Variants in ABRAXAS2 observed in about 807,000 individuals in gnomAD.
ABRAXAS2 encodes the protein abraxas 2, BRISC complex subunit, also known as BRISC complex subunit Abraxas 2.
A neutral mutation model predicts 49.0 loss-of-function variants in ABRAXAS2; 23 were observed. That is an observed-to-expected ratio of 0.47 (90% CI 0.34 to 0.66). ABRAXAS2 has a LOEUF of 0.66. ABRAXAS2 is among the 30% of genes least tolerant of loss of function. ABRAXAS2 has a pLI of 0.01. For missense variants in ABRAXAS2, 443 were observed against 511.9 expected, an observed-to-expected ratio of 0.87 and a Z score of 1.30; for synonymous variants, 168 against 180.2, an observed-to-expected ratio of 0.93 and a Z score of 0.54.
At chr10:124,830,342 A>T (rs1016112776) in intron 7 of ABRAXAS2, among the ~76,000 whole-genome samples, 2 of 152,164 alleles carry the variant, frequency 1.3e-5, no homozygotes, top group Non-Finnish European at 2.9e-5. Flanking sequence ...GCTACTTGGG[A>T]AGCTGAGGAA....
rs558712170 is a variant in ABRAXAS2, at chr10:124,829,334, T to C, written c.579-59T>C. 1.3e-5 allele frequency: 15 copies of C among 1,190,226 alleles called. No individual in the cohort carries two copies. The East Asian group carries it at 1.4e-4, about 11-fold the overall frequency. The allele number at this position is 1,190,226 out of a possible 1,614,324, so 73.7% of individuals were successfully genotyped here. ...AAGTGGAAGAGGCAGGAAAAATGCC[T>C]TTCCATTTCACCGCAGTTATGATAA... On this transcript the variant is annotated intron_variant, in intron 6 of 8. Coordinates refer to ENST00000298492, the MANE Select transcript of ABRAXAS2 (RefSeq NM_032182.4).
intron 2 of ABRAXAS2, among the ~76,000 whole-genome samples, chr10:124,813,932 G>T (rs1356481726): frequency 6.6e-6 from 1 of 152,140 alleles, no homozygotes; most frequent in Non-Finnish European, 1.5e-5. Flanking sequence ...CAAAGATTCT[G>T]CATCCTAATT....
At chr10:124,804,577 G>C (rs1334506133) in intron 1 of ABRAXAS2, among the ~76,000 whole-genome samples, 3 of 151,538 alleles carry the variant, frequency 2.0e-5, no homozygotes, top group African/African-American at 7.3e-5. Context: ...TTTATGGTGA[G>C]AATTCATAAC....
chr10:124,822,409 A>G (rs1465948465), intron 4 of ABRAXAS2, among the ~76,000 whole-genome samples: 5 of 152,248 alleles, frequency 3.3e-5, no homozygotes, highest in South Asian at 2.1e-4. Flanking sequence ...TAAAGGGTGC[A>G]GGTATCTATT....
At chr10:124,822,763 G>A (rs545367599) in intron 4 of ABRAXAS2, among the ~76,000 whole-genome samples, 1 of 147,230 alleles carries the variant, frequency 6.8e-6, no homozygotes, top group African/African-American at 2.5e-5. Flanking sequence ...TTGCGCTCCA[G>A]CCTGGGCGAC....
At chr10:124,813,261 A>G (rs572949907) in intron 2 of ABRAXAS2, among the ~76,000 whole-genome samples, 37 of 152,348 alleles carry the variant, frequency 2.4e-4, no homozygotes, top group Admixed American at 1.3e-4. Context: ...TGTTTTGAAT[A>G]TGTATGAATT....
chr10:124,830,951 T>G (rs755822574), intron 7 of ABRAXAS2, among the ~76,000 whole-genome samples: 1 of 152,250 alleles, frequency 6.6e-6, no homozygotes, highest in Non-Finnish European at 1.5e-5. Context: ...TTAAATTGTC[T>G]TATCTGATTT....
chr10:124,830,383 C>T (rs535922396), intron 7 of ABRAXAS2, among the ~76,000 whole-genome samples: 4 of 152,188 alleles, frequency 2.6e-5, no homozygotes, highest in Non-Finnish European at 4.4e-5. Context: ...GAGGTCAAAG[C>T]TGCAGTGAGC....
At chr10:124,833,975 G>A (rs567318750) in intron 8 of ABRAXAS2, among the ~76,000 whole-genome samples, 240 of 152,282 alleles carry the variant, frequency 1.6e-3, no homozygotes, top group African/African-American at 5.4e-3. Flanking sequence ...AGGTGTATAA[G>A]TGTATTATGA....
At chr10:124,820,987 C>T (rs1435956588) in intron 4 of ABRAXAS2, among the ~76,000 whole-genome samples, 1 of 151,888 alleles carries the variant, frequency 6.6e-6, no homozygotes, top group Non-Finnish European at 1.5e-5. Context: ...GATCATGGCT[C>T]ACTGCAGCCT....
intron 2 of ABRAXAS2, 138 bp from the exon 3 acceptor site, chr10:124,816,438 A>G: frequency 1.6e-6 from 1 of 630,598 alleles, no homozygotes; most frequent in Non-Finnish European, 2.8e-6. Flanking sequence ...ACTGGTGTAC[A>G]TGTAGCAACT....
chr10:124,814,261 A>T (rs1352458549), intron 2 of ABRAXAS2, among the ~76,000 whole-genome samples: 3 of 152,190 alleles, frequency 2.0e-5, no homozygotes, highest in Non-Finnish European at 4.4e-5. Context: ...AAGTGCTGGG[A>T]TTAGAGGCAT....
Position 124,835,683 on chromosome 10 carries a change from A to T in ABRAXAS2, c.*712A>T, listed in dbSNP as rs1589813244. On this transcript the variant is annotated 3_prime_UTR_variant, in exon 9 of 9. Coordinates refer to ENST00000298492, the MANE Select transcript of ABRAXAS2 (RefSeq NM_032182.4). ...TTAATTATTTTTTCTTTGATGGATT[A>T]CAGTGACTACTGTGTTGCACTGGCA... is the stretch of plus-strand genomic sequence containing the variant. 3 of 152,278 alleles carry T rather than the reference A, an allele frequency of 2.0e-5. No homozygotes were observed. In the East Asian group the frequency reaches 5.8e-4, roughly 29 times the overall value. The allele number at this position is 152,278 out of a possible 1,614,324, so 9.4% of individuals were successfully genotyped here.
At chr10:124,828,916 CA>C in intron 6 of ABRAXAS2, 41 bp downstream of exon 6, 1 of 1,594,514 alleles carries the variant, frequency 6.3e-7, no homozygotes, top group Non-Finnish European at 8.6e-7. Context: ...CTTTTGTCAG[CA>C]ATATTTCTTT....
intron 2 of ABRAXAS2, among the ~76,000 whole-genome samples, chr10:124,813,427 C>T (rs906982843): frequency 5.3e-5 from 8 of 152,084 alleles, no homozygotes; most frequent in African/African-American, 1.9e-4. Flanking sequence ...AAATGTTCAA[C>T]GCACCCAACA....
chr10:124,823,909 CTGTT>C lies in ABRAXAS2; in HGVS notation c.268-2684_268-2681del, dbSNP rs572753188. Among the ~76,000 whole-genome samples the C allele has an allele frequency of 3.5e-4, 53 of 152,206 alleles. 1 individual carries two copies. In the East Asian group the frequency reaches 9.8e-3, roughly 28 times the overall value. ...TCATTGATGAGAATGACAGGAGAAT[CTGTT>C]TTGTTTTGTTTTGTTTTGTTTTTTG... On this transcript the variant is annotated intron_variant, in intron 4 of 8. Coordinates refer to ENST00000298492, the MANE Select transcript of ABRAXAS2 (RefSeq NM_032182.4).
At position 124,821,165 on chromosome 10, in the gene ABRAXAS2, G is replaced by A. The variant is rs946395887; in HGVS notation, c.267+1715G>A. Among the ~76,000 whole-genome samples, 25 of 152,034 alleles carry A rather than the reference G, an allele frequency of 1.6e-4. No homozygotes were observed. The East Asian group carries it at 2.3e-3, about 14-fold the overall frequency. Reference sequence around the variant, plus strand: ...TGGGCTCAAGTGATCTGCCCACCTCGGCCTCCCCAAGTGCTGGGATTACAG... The same window carrying A: ...TGGGCTCAAGTGATCTGCCCACCTCAGCCTCCCCAAGTGCTGGGATTACAG... On this transcript the variant is annotated intron_variant, in intron 4 of 8. Coordinates refer to ENST00000298492, the MANE Select transcript of ABRAXAS2 (RefSeq NM_032182.4).
intron 7 of ABRAXAS2, 40 bp from the exon 8 acceptor site, chr10:124,831,309 T>C: frequency 4.8e-6 from 6 of 1,255,598 alleles, no homozygotes; most frequent in Non-Finnish European, 7.0e-6. Flanking sequence ...TGCCTTGTGC[T>C]TGAACTTGAA....
chr10:124,816,175 A>G (rs549330583), intron 2 of ABRAXAS2, among the ~76,000 whole-genome samples: 1 of 152,316 alleles, frequency 6.6e-6, no homozygotes, highest in Non-Finnish European at 1.5e-5. Context: ...TGCTGGGATT[A>G]CAGGCGTGAG....
Sources: allele counts gnomAD v4.1 joint callset (sites outside exome capture counted in the v4.1 genomes callset), GRCh38; gene constraint gnomAD v4.1.1; transcripts MANE v1.5; gene names NCBI Gene and HGNC (gene_info 2026-07-23, HGNC 2026-07-21).